ZNF208: variants seen among roughly 807,000 people sequenced by gnomAD.
The protein encoded by ZNF208 is zinc finger protein 208.
In ZNF208, 10 loss-of-function variants were observed where a neutral mutation model predicts 12.1. That is an observed-to-expected ratio of 0.83 (90% CI 0.51 to 1.40). ZNF208 has a LOEUF of 1.40. Among genes scored for constraint, ZNF208 ranks in the 40% most tolerant of loss-of-function variants. The pLI is 0.00. For missense variants in ZNF208, 1,652 were observed against 1,485.0 expected (o/e 1.11, Z -1.85); for synonymous variants, 497 against 488.4 (o/e 1.02, Z -0.23).
chr19:22,002,517 T>A (rs564809645), intron 1 of ZNF208, among the ~76,000 whole-genome samples: 2 of 152,042 alleles, frequency 1.3e-5, no homozygotes, highest in East Asian at 3.9e-4. Context: ...ACAAAAGAAA[T>A]GTACAAAAAT....
At chr19:21,952,839 A>G in intron 4 of ZNF208, among the ~76,000 whole-genome samples, 1 of 152,224 alleles carries the variant, frequency 6.6e-6, no homozygotes, top group East Asian at 1.9e-4. Context: ...TGACAGAAGT[A>G]GGCTTCAGAA....
At chr19:22,003,506 C>CAAA (rs35616569) in intron 1 of ZNF208, among the ~76,000 whole-genome samples, 4 of 147,972 alleles carry the variant, frequency 2.7e-5, no homozygotes, top group African/African-American at 5.0e-5. Flanking sequence ...AAAAGAAGAC[C>CAAA]AAAAAAAAAC....
rs1970196034 is a variant in ZNF208 at position 21,967,603 on chromosome 19, C to G, written c.*3588G>C. The G allele has an allele frequency of 6.6e-6, 1 of 152,132 alleles. No homozygotes were observed. The highest frequency in any genetic ancestry group is 2.1e-4 in the South Asian group (1 of 4,826). 9.4% of individuals were successfully genotyped at this position (152,132 alleles called of 1,614,324 possible). ...GTTTCACCATGTTGGCCAGGCTGGT[C>G]TCAAACTTCTGACCTCAGGTGATCC... On this transcript the variant is annotated 3_prime_UTR_variant, in exon 4 of 4. Coordinates refer to ENST00000397126, the MANE Select transcript of ZNF208 (RefSeq NM_007153.3).
intron 4 of ZNF208, among the ~76,000 whole-genome samples, chr19:21,944,659 AT>A (rs1201095834): frequency 6.6e-6 from 1 of 152,184 alleles, no homozygotes; most frequent in Non-Finnish European, 1.5e-5. Context: ...TGAAGCTCCA[AT>A]GATGTAAAGT....
chr19:22,006,808 T>C (rs1971052788), intron 1 of ZNF208, among the ~76,000 whole-genome samples: 1 of 152,214 alleles, frequency 6.6e-6, no homozygotes, highest in South Asian at 2.1e-4. Flanking sequence ...ACAGTGTTCA[T>C]ATAAGAAAAT....
chr19:21,941,231 GAGA>G (rs1287608198), intron 4 of ZNF208: 2 of 398,422 alleles, frequency 5.0e-6, no homozygotes, highest in Non-Finnish European at 8.8e-6. Flanking sequence ...GCAAACACCA[GAGA>G]AGGACAAGAA....
At chr19:21,977,709 T>A (rs1480805141) in intron 3 of ZNF208, among the ~76,000 whole-genome samples, 1 of 152,086 alleles carries the variant, frequency 6.6e-6, no homozygotes, top group Non-Finnish European at 1.5e-5. Context: ...ACCCCAGTAG[T>A]GCCCAGAAGT....
At position 21,970,854 on chromosome 19, in the gene ZNF208, T is replaced by A. The variant is rs925539362; in HGVS notation, c.*337A>T. ...GAAGGCTTTGCCACTTTCTTCACAT[T>A]TGTAGGGTTTCTCTCCAGTATGAAT... On this transcript the variant is annotated 3_prime_UTR_variant, in exon 4 of 4. Transcript: ENST00000397126. 1.3e-5 allele frequency: 19 copies of A among 1,504,624 alleles called. No individual in the cohort carries two copies. Among genetic ancestry groups the A allele is most frequent in the Non-Finnish European group, 1.7e-5 (18 of 1,082,982 alleles). The allele number at this position is 1,504,624 out of a possible 1,614,324, so 93.2% of individuals were successfully genotyped here.
In ZNF208 at chr19:21,967,201, T is replaced by G. The variant is rs2145537411; in HGVS notation, c.*3990A>C. ...GCTTGGAGACTCACAGATCAAGTCTTTAATCTATATTGAGTTGTTTTTTTT... is the reference window on the plus strand; with the variant it reads ...GCTTGGAGACTCACAGATCAAGTCTGTAATCTATATTGAGTTGTTTTTTTT... On this transcript the variant is annotated 3_prime_UTR_variant, in exon 4 of 4. Transcript: ENST00000397126. 6.6e-6 allele frequency: 1 copy of G among 152,254 alleles called. No homozygotes were observed. The highest frequency in any genetic ancestry group is 1.5e-5 in the Non-Finnish European group (1 of 68,008). 9.4% of individuals were successfully genotyped at this position (152,254 alleles called of 1,614,324 possible).
In ZNF208 at chr19:21,974,390, G is replaced by A; in HGVS notation, c.644C>T (p.Thr215Ile). Residue 215 changes from threonine (T) to isoleucine (I), a missense_variant, in exon 4 of 4, where the codon ACC (threonine) becomes ATC (isoleucine). Transcript: ENST00000397126. ...ATGAGCACTCTTATAATAAGTAAGG[G>A]TTGAGGACCAGTTAAAAGCTTTGCC... Reference protein sequence around the residue: ...EGGKAFNWSSTLTYYKSAHTG... With the variant: ...EGGKAFNWSSILTYYKSAHTG... 6.2e-7 allele frequency: 1 copy of A among 1,613,550 alleles called. No individual in the cohort carries two copies. The highest frequency in any genetic ancestry group is 8.5e-7 in the Non-Finnish European group (1 of 1,179,744).
Position 21,948,703 on chromosome 19 carries a change from C to A in ZNF208, c.306-15466G>T, listed in dbSNP as rs190942093. On this transcript the variant is annotated intron_variant, in intron 4 of 4. Transcript: ENST00000599916. Reference sequence around the variant, plus strand: ...ATATAGAGTCTTTCCAAAATTTAACCCAATGTTTAATGTTACATGGAGAGA... The same window carrying A: ...ATATAGAGTCTTTCCAAAATTTAACACAATGTTTAATGTTACATGGAGAGA... 3.1e-3 allele frequency among the ~76,000 whole-genome samples: 467 copies of A among 152,174 alleles called. 3 individuals carry two copies. Among genetic ancestry groups the A allele is most frequent in the Non-Finnish European group, 5.2e-3 (353 of 68,004 alleles).
In ZNF208 at chr19:21,971,431, T is replaced by A. The variant is rs546252073; in HGVS notation, c.3603A>T (p.Glu1201Asp). The A allele has an allele frequency of 1.2e-6, 2 of 1,610,322 alleles. No individual in the cohort carries two copies. Among genetic ancestry groups the A allele is most frequent in the South Asian group, 1.1e-5 (1 of 91,034 alleles). ...AGGGCCACTTATAGGCTTTGCCACA[T>A]TCTTCACATTTGTAGAGTTTCTCTC... is the stretch of plus-strand genomic sequence containing the variant. ...HTGEKLYKCEECGKAYKWPST... is the reference protein window; with the variant it reads ...HTGEKLYKCEDCGKAYKWPST... Residue 1201 changes from glutamate (E) to aspartate (D), a missense_variant, in exon 4 of 4, where the codon GAA becomes GAT. Around this residue, in one of 3 missense-constraint regions of ZNF208, gnomAD observed 1,239 missense variants for 1,086.2 expected, o/e 1.14. Coordinates refer to ENST00000397126, the MANE Select transcript of ZNF208 (RefSeq NM_007153.3).
At chr19:21,944,797 T>G (rs1440214449) in intron 4 of ZNF208, among the ~76,000 whole-genome samples, 1 of 152,190 alleles carries the variant, frequency 6.6e-6, no homozygotes, top group Non-Finnish European at 1.5e-5. Context: ...AGCTGGTAGT[T>G]TGGAATAAAT....
intron 3 of ZNF208, among the ~76,000 whole-genome samples, chr19:21,976,712 C>T (rs1970437264): frequency 6.6e-6 from 1 of 152,126 alleles, no homozygotes; most frequent in African/African-American, 2.4e-5. Context: ...AGGCATGCAC[C>T]ACCACACCCA....
At chr19:22,007,789 CAGAATTTTG>C (rs1430292518) in intron 1 of ZNF208, among the ~76,000 whole-genome samples, 1 of 150,830 alleles carries the variant, frequency 6.6e-6, no homozygotes, top group Non-Finnish European at 1.5e-5. Context: ...TACTTGAGGT[CAGAATTTTG>C]AGCTCAAACA....
chr19:21,940,089 G>C (rs1339259663), intron 4 of ZNF208: 1 of 152,160 alleles, frequency 6.6e-6, no homozygotes, highest in Non-Finnish European at 1.5e-5. Context: ...GGCAGATCAC[G>C]AGGTGGGGAG....
rs764289592 is a variant in ZNF208 at position 21,987,256 on chromosome 19, G to T, written c.186C>A (p.Ser62=). ...LIIFLEEGKE[S]WNMKRHEMVE... is the part of the protein sequence containing the mutation. ...CCATCTCATGTCTCTTCATATTCCAGGACTCTTTTCCTTCCTCCAGAAAAA... is the reference window on the plus strand; with the variant it reads ...CCATCTCATGTCTCTTCATATTCCATGACTCTTTTCCTTCCTCCAGAAAAA... Residue 62 remains serine (S), a synonymous_variant, in exon 3 of 4, where the codon TCC becomes TCA. Coordinates refer to ENST00000397126, the MANE Select transcript of ZNF208 (RefSeq NM_007153.3). 6.2e-7 allele frequency: 1 copy of T among 1,612,546 alleles called. No individual in the cohort carries two copies. The highest frequency in any genetic ancestry group is 8.5e-7 in the Non-Finnish European group (1 of 1,179,354).
At position 21,972,672 on chromosome 19, in the gene ZNF208, G is replaced by C. The variant is rs756248745; in HGVS notation, c.2362C>G (p.Arg788Gly). The C allele has an allele frequency of 6.3e-7, 1 of 1,594,776 alleles. No individual in the cohort carries two copies. The change falls in exon 4 of 4, where the codon CGA becomes GGA. Residue 788 changes from arginine to glycine, a missense_variant. Physicochemically the swap from Arg to Gly is moderately radical, Grantham distance 125 (BLOSUM62 -2). This residue lies in a region of ZNF208 where 1,239 missense variants were observed against 1,086.2 expected (regional missense o/e 1.14). Transcript: ENST00000397126. The part of the protein sequence containing the change: ...KCEECGKAFN[R>G]SAILIKHKRI... The stretch of plus-strand genomic sequence containing the variant: ...TTATGTTTAATAAGGATTGCAGATC[G>C]GTTAAAAGCTTTGCCACATTCTTCA...
intron 4 of ZNF208, among the ~76,000 whole-genome samples, chr19:21,950,887 C>T (rs1405962992): frequency 6.6e-6 from 1 of 152,140 alleles, no homozygotes; most frequent in Non-Finnish European, 1.5e-5. Context: ...GAATCTTCTT[C>T]TGTTTGTCTA....
Sources: allele counts gnomAD v4.1 joint callset (sites outside exome capture counted in the v4.1 genomes callset), GRCh38; gene constraint gnomAD v4.1.1; regional missense constraint gnomAD v4.1.1; transcripts MANE v1.5; gene names NCBI Gene and HGNC (gene_info 2026-07-23, HGNC 2026-07-21).